The following CBR4 variants were observed in gnomAD, a reference collection of about 807,000 sequenced individuals.
CBR4 encodes carbonyl reductase 4.
CBR4 carries 22 observed loss-of-function variants against 21.0 expected under a neutral mutation model. That is an observed-to-expected ratio of 1.05 (90% CI 0.75 to 1.50). The LOEUF (loss-of-function observed/expected upper bound fraction) is 1.50. Among genes scored for constraint, CBR4 ranks in the 40% most tolerant of loss-of-function variants. CBR4 has a pLI of 0.00. For synonymous variants in CBR4, 100 were observed against 104.4 expected, an observed-to-expected ratio of 0.96 and a Z score of 0.26; for missense variants, 302 against 286.3, an observed-to-expected ratio of 1.05 and a Z score of -0.40.
At chr4:168,966,319 C>T (rs756502413) in intron 2 of CBR4, among the ~76,000 whole-genome samples, 2 of 139,784 alleles carry the variant, frequency 1.4e-5, no homozygotes, top group Non-Finnish European at 3.0e-5. Flanking sequence ...CAAGACCATC[C>T]TGGCTAACAG....
intron 2 of CBR4, among the ~76,000 whole-genome samples, chr4:168,899,098 A>C (rs771020018): frequency 6.6e-6 from 1 of 152,180 alleles, no homozygotes; most frequent in Non-Finnish European, 1.5e-5. Context: ...CCATACAGAC[A>C]AGTAATGCTC....
intron 4 of CBR4, 84 bp from the exon 5 acceptor site, chr4:168,990,412 T>G (rs529622903): frequency 4.5e-5 from 57 of 1,265,776 alleles, no homozygotes; most frequent in Non-Finnish European, 5.9e-5. Flanking sequence ...AATTTGTTTC[T>G]GAAAATTTTA....
chr4:168,942,197 C>T (rs1471804248), intron 2 of CBR4, among the ~76,000 whole-genome samples: 3 of 150,996 alleles, frequency 2.0e-5, no homozygotes, highest in African/African-American at 7.3e-5. Context: ...AACTCATGGA[C>T]ACAGGGAGGG....
intron 2 of CBR4, among the ~76,000 whole-genome samples, chr4:168,922,260 A>AG (rs1441928768): frequency 1.3e-5 from 2 of 152,188 alleles, no homozygotes; most frequent in Admixed American, 6.5e-5. Context: ...TGTTACATGA[A>AG]GTCTTATGCT....
intron 2 of CBR4, among the ~76,000 whole-genome samples, chr4:168,921,984 C>T (rs1262433681): frequency 6.6e-6 from 1 of 151,864 alleles, no homozygotes. Context: ...GGTCATTCGA[C>T]CTCCTGTGTG....
rs567668526 is a variant in CBR4 at position 168,926,104 on chromosome 4, T to A, written n.170-31339A>T. On this transcript the variant is annotated intron_variant and non_coding_transcript_variant, in intron 2 of 3. Coordinates refer to the CBR4 transcript ENST00000509108. The stretch of plus-strand genomic sequence containing the variant: ...ATTTTCCATGTTTCTACCATGGATG[T>A]GTTCAGGTGCCTTGCATCTATCTAG... The A allele has an allele frequency of 1.9e-5, 16 of 844,996 alleles. No individual in the cohort carries two copies. In the Admixed American group the frequency reaches 4.7e-4, roughly 25 times the overall value. 52.3% of individuals were successfully genotyped at this position (844,996 alleles called of 1,614,324 possible). A position where few individuals can be genotyped will look rare whatever the true frequency, so the allele number is the denominator to read the frequency against.
chr4:169,002,347 C>T (rs1019992424), intron 3 of CBR4, 142 bp from the exon 4 acceptor site: 3 of 870,736 alleles, frequency 3.4e-6, no homozygotes, highest in Admixed American at 4.1e-5. Context: ...AAATTCTAAC[C>T]ATTGTCATCA....
At chr4:168,916,827 G>C (rs1259233068) in intron 2 of CBR4, among the ~76,000 whole-genome samples, 2 of 148,492 alleles carry the variant, frequency 1.3e-5, no homozygotes, top group Non-Finnish European at 3.0e-5. Context: ...TGTGCCACCA[G>C]GCCCAGCTAA....
intron 2 of CBR4, among the ~76,000 whole-genome samples, chr4:168,979,890 CCT>C (rs1017282630): frequency 9.9e-5 from 15 of 152,240 alleles, no homozygotes; most frequent in African/African-American, 3.1e-4. Flanking sequence ...AAAGAAAGAC[CCT>C]GAGTGCCTTA....
At chr4:168,912,577 ACT>A (rs1198820876) in intron 2 of CBR4, among the ~76,000 whole-genome samples, 2 of 152,042 alleles carry the variant, frequency 1.3e-5, no homozygotes, top group African/African-American at 4.8e-5. Context: ...CGTTTATCAA[ACT>A]CTTTTTTTGC....
chr4:168,909,751 A>G (rs766571134), intron 2 of CBR4, among the ~76,000 whole-genome samples: 4 of 152,306 alleles, frequency 2.6e-5, no homozygotes, highest in Non-Finnish European at 4.4e-5. Context: ...AAAATCACTT[A>G]TTGCTAATTC....
chr4:168,922,535 G>A (rs951007267), intron 2 of CBR4, among the ~76,000 whole-genome samples: 1 of 152,140 alleles, frequency 6.6e-6, no homozygotes, highest in South Asian at 2.1e-4. Flanking sequence ...GACTCCTAGT[G>A]CTCTTCTAAA....
chr4:168,946,258 T>A (rs1763394274), intron 2 of CBR4, among the ~76,000 whole-genome samples: 1 of 152,210 alleles, frequency 6.6e-6, no homozygotes, highest in East Asian at 1.9e-4. Context: ...ATGTTGACAG[T>A]CAGCTTTCCA....
At chr4:168,934,452 A>G (rs763567445) in intron 2 of CBR4, among the ~76,000 whole-genome samples, 1 of 152,058 alleles carries the variant, frequency 6.6e-6, no homozygotes, top group Non-Finnish European at 1.5e-5. Context: ...TAGACTAAGA[A>G]TACAGAGAGA....
intron 2 of CBR4, among the ~76,000 whole-genome samples, chr4:168,947,114 C>T (rs953238719): frequency 6.6e-6 from 1 of 151,948 alleles, no homozygotes; most frequent in Non-Finnish European, 1.5e-5. Flanking sequence ...TTTAGTCGTG[C>T]CCCTGTCATG....
At chr4:168,974,287 C>T (rs1255746905) in intron 2 of CBR4, among the ~76,000 whole-genome samples, 2 of 152,192 alleles carry the variant, frequency 1.3e-5, no homozygotes, top group Admixed American at 6.5e-5. Context: ...GCTGGAAATC[C>T]GATAGGTTTT....
At chr4:168,911,498 C>CT (rs532821606) in intron 2 of CBR4, among the ~76,000 whole-genome samples, 190 of 152,292 alleles carry the variant, frequency 1.2e-3, no homozygotes, top group African/African-American at 4.1e-3. Flanking sequence ...TAAAACAATA[C>CT]ACACACTTCC....
chr4:169,003,395 G>A (rs1352507438), intron 3 of CBR4, among the ~76,000 whole-genome samples: 3 of 152,220 alleles, frequency 2.0e-5, no homozygotes, highest in Non-Finnish European at 4.4e-5. Context: ...GCAATCTTAT[G>A]ATAAAACAAA....
chr4:168,999,079 G>T lies in CBR4; in HGVS notation c.535+2992C>A, dbSNP rs565834488. On this transcript the variant is annotated intron_variant, in intron 4 of 4. Transcript: ENST00000306193. ...ATATTCAATATCTTCCAATCAGTAT[G>T]ATTTCCCATGAACAGTTTATTTTAT... Among the ~76,000 whole-genome samples, 3 of 152,140 alleles carry T rather than the reference G, an allele frequency of 2.0e-5. No individual in the cohort carries two copies. In the South Asian group the frequency reaches 6.2e-4, roughly 32 times the overall value.
Sources: gnomAD v4.1 joint callset for allele counts (sites outside exome capture counted in the v4.1 genomes callset) on GRCh38, gnomAD v4.1.1 for gene constraint, MANE v1.5 for transcripts, NCBI Gene and HGNC (gene_info 2026-07-23, HGNC 2026-07-21) for gene names.